The following BLTP3B variants were observed in gnomAD, a reference collection of about 807,000 sequenced individuals.
BLTP3B encodes bridge-like lipid transfer protein family member 3B, also known as UHRF1 (ICBP90) binding protein 1-like.
the BLTP3B span, chr12:100,058,007 A>G: frequency 3.3e-6 from 5 of 1,536,452 alleles, no homozygotes; most frequent in Admixed American, 4.6e-5. Context: ...AATTTTTAAA[A>G]AGGCCAATAA....
At chr12:100,142,002 T>C in the BLTP3B span, among the ~76,000 whole-genome samples, 1 of 152,256 alleles carries the variant, frequency 6.6e-6, no homozygotes, top group African/African-American at 2.4e-5. Context: ...CTGCGAACTC[T>C]GCTTATTTAC....
At chr12:100,044,954 AACAG>A in the BLTP3B span, among the ~76,000 whole-genome samples, 2 of 150,058 alleles carry the variant, frequency 1.3e-5, no homozygotes, top group African/African-American at 5.0e-5. Flanking sequence ...ATACACCATT[AACAG>A]ACAAACAGAG....
chr12:100,061,315 T>G, the BLTP3B span, among the ~76,000 whole-genome samples: 3 of 152,126 alleles, frequency 2.0e-5, no homozygotes, highest in Non-Finnish European at 4.4e-5. Context: ...AGAACCCCGA[T>G]AGCAGATGTG....
At chr12:100,141,434 T>C in the BLTP3B span, among the ~76,000 whole-genome samples, 2 of 129,632 alleles carry the variant, frequency 1.5e-5, no homozygotes, top group Non-Finnish European at 1.6e-5. Context: ...TATGTACATA[T>C]GTATATATAT....
chr12:100,047,484 AG>A, the BLTP3B span: 3 of 1,438,684 alleles, frequency 2.1e-6, no homozygotes, highest in Admixed American at 5.1e-5. Context: ...GGGCAACAAG[AG>A]CAAAATTCCA....
At chr12:100,094,340 G>A in the BLTP3B span, among the ~76,000 whole-genome samples, 1 of 152,030 alleles carries the variant, frequency 6.6e-6, no homozygotes, top group African/African-American at 2.4e-5. Context: ...TGAATTATTG[G>A]CCTCTAGTAA....
the BLTP3B span, among the ~76,000 whole-genome samples, chr12:100,044,802 C>G: frequency 6.6e-6 from 1 of 152,088 alleles, no homozygotes; most frequent in Admixed American, 6.6e-5. Flanking sequence ...AAACAGGAAG[C>G]CAAATTGTCT....
At chr12:100,076,255 T>C in the BLTP3B span, among the ~76,000 whole-genome samples, 1 of 152,260 alleles carries the variant, frequency 6.6e-6, no homozygotes, top group East Asian at 1.9e-4. Flanking sequence ...CATTTATTTG[T>C]TTTAGTTTAG....
chr12:100,093,211 G>A, the BLTP3B span, among the ~76,000 whole-genome samples: 9 of 152,316 alleles, frequency 5.9e-5, no homozygotes, highest in Admixed American at 3.9e-4. Flanking sequence ...GAATTCTGCA[G>A]ATGCCTCATG....
chr12:100,099,850 G>T, the BLTP3B span, among the ~76,000 whole-genome samples: 1 of 150,602 alleles, frequency 6.6e-6, no homozygotes, highest in Non-Finnish European at 1.5e-5. Flanking sequence ...ATCACTTGAG[G>T]CCAGGAGGTT....
the BLTP3B span, among the ~76,000 whole-genome samples, chr12:100,098,750 A>C: frequency 6.6e-5 from 10 of 150,890 alleles, no homozygotes; most frequent in Non-Finnish European, 1.2e-4. Flanking sequence ...AAAAAAAAAA[A>C]CACAAAAAAT....
At chr12:100,047,898 A>T in the BLTP3B span, 2 of 1,381,530 alleles carry the variant, frequency 1.4e-6, no homozygotes, top group South Asian at 3.4e-5. Context: ...GAAAGTCCAG[A>T]TAAGGAAAAG....
At chr12:100,132,078 C>T in the BLTP3B span, among the ~76,000 whole-genome samples, 3 of 152,320 alleles carry the variant, frequency 2.0e-5, no homozygotes, top group Non-Finnish European at 2.9e-5. Flanking sequence ...AGGCGTGAAC[C>T]ACCGTGCCCA....
the BLTP3B span, among the ~76,000 whole-genome samples, chr12:100,040,493 C>T: frequency 2.0e-5 from 3 of 152,136 alleles, no homozygotes; most frequent in Non-Finnish European, 2.9e-5. Flanking sequence ...ACCAGCCTGG[C>T]CAACATGTGA....
the BLTP3B span, among the ~76,000 whole-genome samples, chr12:100,073,551 T>C: frequency 6.6e-6 from 1 of 151,698 alleles, no homozygotes; most frequent in Non-Finnish European, 1.5e-5. Context: ...TTACTTTCAA[T>C]GGCAAAAACC....
At chr12:100,058,731 G>T in the BLTP3B span, 2 of 1,613,940 alleles carry the variant, frequency 1.2e-6, no homozygotes, top group Non-Finnish European at 1.7e-6. Context: ...AGGACTGCCA[G>T]TTACAGCTTC....
chr12:100,108,151 G>A, the BLTP3B span, among the ~76,000 whole-genome samples: 1 of 152,076 alleles, frequency 6.6e-6, no homozygotes, highest in Admixed American at 6.6e-5. Flanking sequence ...TAATAATTTT[G>A]AAATATTAAT....
At chr12:100,114,244 T>C in the BLTP3B span, among the ~76,000 whole-genome samples, 1 of 152,222 alleles carries the variant, frequency 6.6e-6, no homozygotes, top group Non-Finnish European at 1.5e-5. Flanking sequence ...TTGGTTATAG[T>C]GATTGATCTA....
chr12:100,041,662 C>G, the BLTP3B span, among the ~76,000 whole-genome samples: 1 of 152,008 alleles, frequency 6.6e-6, no homozygotes, highest in Non-Finnish European at 1.5e-5. Context: ...GTCTCAATCT[C>G]TTGACCTGGT....
Sources: allele counts gnomAD v4.1 joint callset (sites outside exome capture counted in the v4.1 genomes callset), GRCh38; gene constraint gnomAD v4.1.1; transcripts MANE v1.5; gene names NCBI Gene and HGNC (gene_info 2026-07-23, HGNC 2026-07-21).